The following NCAM2 variants were observed in gnomAD, a reference collection of about 807,000 sequenced individuals.
The protein encoded by NCAM2 is neural cell adhesion molecule 2, also known as N-CAM-2.
In NCAM2, 30 loss-of-function variants were observed where a neutral mutation model predicts 98.1. The ratio of observed to expected loss-of-function variants is 0.31; its 90% CI spans 0.23 to 0.41. NCAM2 has a LOEUF of 0.41. Ranked by LOEUF, NCAM2 falls within the 10% of genes least tolerant of loss-of-function variation. The pLI is 1.00. For synonymous variants in NCAM2, 368 were observed against 342.4 expected (o/e 1.07, Z -0.83); for missense variants, 867 against 1,005.8 (o/e 0.86, Z 1.87).
chr21:21,238,208 C>T (rs9981998), intron 1 of NCAM2, among the ~76,000 whole-genome samples: 8,800 of 152,016 alleles, frequency 0.058, 607 homozygotes, highest in East Asian at 0.34. Context: ...ACGCCCATCT[C>T]GGCCTCCCAG....
At chr21:21,105,518 A>G (rs995250807) in intron 1 of NCAM2, among the ~76,000 whole-genome samples, 2 of 152,140 alleles carry the variant, frequency 1.3e-5, no homozygotes, top group South Asian at 2.1e-4. Flanking sequence ...CTTCATATAC[A>G]TGATTGCTTG....
intron 1 of NCAM2, among the ~76,000 whole-genome samples, chr21:21,092,315 A>G (rs917858501): frequency 6.6e-6 from 1 of 152,086 alleles, no homozygotes; most frequent in African/African-American, 2.4e-5. Context: ...GAATTTAAGT[A>G]GACTTCTTAT....
intron 1 of NCAM2, among the ~76,000 whole-genome samples, chr21:21,056,790 G>T (rs936162490): frequency 6.6e-6 from 1 of 152,066 alleles, no homozygotes; most frequent in South Asian, 2.1e-4. Context: ...AATAAATATA[G>T]ATAGATAATA....
chr21:21,401,338 C>T (rs2076626309), intron 9 of NCAM2, among the ~76,000 whole-genome samples: 1 of 152,090 alleles, frequency 6.6e-6, no homozygotes, highest in Non-Finnish European at 1.5e-5. Flanking sequence ...TTGAAATGTA[C>T]TGTCTTAGCA....
At chr21:21,107,348 A>G (rs1241326245) in intron 1 of NCAM2, among the ~76,000 whole-genome samples, 1 of 152,096 alleles carries the variant, frequency 6.6e-6, no homozygotes, top group Non-Finnish European at 1.5e-5. Context: ...AGAGCCCACA[A>G]TGAAATCATT....
At chr21:21,415,216 C>T (rs1214677214) in intron 10 of NCAM2, among the ~76,000 whole-genome samples, 2 of 151,776 alleles carry the variant, frequency 1.3e-5, no homozygotes, top group Non-Finnish European at 2.9e-5. Context: ...CCCTTTACAT[C>T]TCCTCTCTAG....
intron 9 of NCAM2, among the ~76,000 whole-genome samples, chr21:21,383,326 G>GT (rs1358676202): frequency 6.6e-6 from 1 of 152,034 alleles, no homozygotes; most frequent in East Asian, 1.9e-4. Context: ...ATTTCTGTGG[G>GT]TTTTTACACA....
chr21:21,193,764 G>A (rs2068907855), intron 1 of NCAM2, among the ~76,000 whole-genome samples: 1 of 151,996 alleles, frequency 6.6e-6, no homozygotes. Context: ...AAAGTGCTGG[G>A]ATTACAGGCA....
At chr21:21,406,945 C>T (rs2076751029) in intron 9 of NCAM2, among the ~76,000 whole-genome samples, 1 of 152,138 alleles carries the variant, frequency 6.6e-6, no homozygotes, top group Non-Finnish European at 1.5e-5. Context: ...GCAAAAGTAT[C>T]TTTCCACTTC....
chr21:21,443,034 C>G (rs1314043408), intron 12 of NCAM2, among the ~76,000 whole-genome samples: 1 of 152,082 alleles, frequency 6.6e-6, no homozygotes, highest in Non-Finnish European at 1.5e-5. Context: ...TTCCTCTACA[C>G]GCAGCTTTAA....
chr21:21,387,366 G>A (rs921764055), intron 9 of NCAM2, among the ~76,000 whole-genome samples: 43 of 152,062 alleles, frequency 2.8e-4, no homozygotes, highest in Non-Finnish European at 1.6e-4. Context: ...ATTTAACATA[G>A]CAATTTAGGG....
intron 1 of NCAM2, among the ~76,000 whole-genome samples, chr21:21,012,833 C>T (rs1469217245): frequency 6.6e-6 from 1 of 152,058 alleles, no homozygotes; most frequent in Non-Finnish European, 1.5e-5. Context: ...ATATTTCAAA[C>T]ATTTTATTAT....
At chr21:21,514,089 A>C (rs1328005346) in intron 16 of NCAM2, among the ~76,000 whole-genome samples, 1 of 151,400 alleles carries the variant, frequency 6.6e-6, no homozygotes, top group East Asian at 1.9e-4. Context: ...CATATAAATT[A>C]TGTATATACA....
intron 8 of NCAM2, among the ~76,000 whole-genome samples, chr21:21,358,939 A>G (rs1222558648): frequency 6.6e-6 from 1 of 151,798 alleles, no homozygotes; most frequent in East Asian, 1.9e-4. Flanking sequence ...TGTTTCTTCA[A>G]TTTTCTTCTG....
At chr21:21,421,863 G>A (rs2077117710) in intron 11 of NCAM2, among the ~76,000 whole-genome samples, 1 of 152,178 alleles carries the variant, frequency 6.6e-6, no homozygotes, top group African/African-American at 2.4e-5. Context: ...TACACATTCA[G>A]TGGTAATATA....
chr21:21,324,559 A>G, intron 6 of NCAM2, 59 bp downstream of exon 6: 2 of 1,047,608 alleles, frequency 1.9e-6, no homozygotes, highest in Non-Finnish European at 2.6e-6. Context: ...ATGGAACAGT[A>G]TTGGGGATCT....
At chr21:21,389,457 G>A (rs2076335398) in intron 9 of NCAM2, among the ~76,000 whole-genome samples, 1 of 152,166 alleles carries the variant, frequency 6.6e-6, no homozygotes, top group Non-Finnish European at 1.5e-5. Flanking sequence ...AAGTCTTATA[G>A]CTATTTTGAC....
intron 1 of NCAM2, among the ~76,000 whole-genome samples, chr21:21,273,345 T>C (rs2072603708): frequency 6.6e-6 from 1 of 152,106 alleles, no homozygotes; most frequent in African/African-American, 2.4e-5. Flanking sequence ...ACAAAGAAGA[T>C]ATTGCTAAGA....
intron 1 of NCAM2, among the ~76,000 whole-genome samples, chr21:21,241,310 G>GAA (rs35277347): frequency 2.0e-5 from 3 of 152,140 alleles, no homozygotes; most frequent in African/African-American, 7.2e-5. Context: ...ATTTATCAAT[G>GAA]AAAAAATCCT....
Sources: allele counts gnomAD v4.1 joint callset (sites outside exome capture counted in the v4.1 genomes callset), GRCh38; gene constraint gnomAD v4.1.1; transcripts MANE v1.5; gene names NCBI Gene and HGNC (gene_info 2026-07-23, HGNC 2026-07-21).